COL11A1: variants seen among roughly 807,000 people sequenced by gnomAD.
COL11A1 encodes collagen type XI alpha 1 chain.
In COL11A1, 74 loss-of-function variants were observed where a neutral mutation model predicts 265.2. That is an observed-to-expected ratio of 0.28 (90% CI 0.23 to 0.34). The LOEUF (loss-of-function observed/expected upper bound fraction) is 0.34. COL11A1 is among the 10% of genes least tolerant of loss of function. The probability of loss-of-function intolerance (pLI) is 1.00; values close to 1 mark genes in which losing one functional copy is unlikely to be tolerated. For synonymous variants in COL11A1, 816 were observed against 727.6 expected, an observed-to-expected ratio of 1.12 and a Z score of -1.96; for missense variants, 2,165 against 2,263.6, an observed-to-expected ratio of 0.96 and a Z score of 0.88.
intron 3 of COL11A1, among the ~76,000 whole-genome samples, chr1:103,077,038 A>G (rs1672026994): frequency 6.6e-6 from 1 of 152,126 alleles, no homozygotes; most frequent in Non-Finnish European, 1.5e-5. Context: ...GGACCTACCT[A>G]GCACACAGTA....
rs377035028 is a variant in COL11A1 at position 103,003,271 on chromosome 1, A to T, written c.1945-3T>A. 4 of 1,612,692 alleles carry T rather than the reference A, an allele frequency of 2.5e-6. No homozygotes were observed. Among genetic ancestry groups the T allele is most frequent in the Non-Finnish European group, 3.4e-6 (4 of 1,179,454 alleles). On this transcript the variant is annotated splice_region_variant and splice_polypyrimidine_tract_variant and intron_variant, in intron 20 of 66. Transcript: ENST00000370096. Reference sequence around the variant, plus strand: ...GGACCCAGCAAACCTCGTGGGCCCTAGGAGAAAAAGAAAAAGCACGCCTTT... The same window carrying T: ...GGACCCAGCAAACCTCGTGGGCCCTTGGAGAAAAAGAAAAAGCACGCCTTT...
chr1:102,886,024 C>T (rs113906648), intron 63 of COL11A1, among the ~76,000 whole-genome samples: 3 of 152,100 alleles, frequency 2.0e-5, no homozygotes, highest in Admixed American at 6.6e-5. Flanking sequence ...TTATAACTGA[C>T]ATTATATGAT....
At chr1:102,901,327 A>AAC (rs919155173) in intron 54 of COL11A1, among the ~76,000 whole-genome samples, 8 of 152,010 alleles carry the variant, frequency 5.3e-5, no homozygotes, top group African/African-American at 1.9e-4. Flanking sequence ...TCTAAAAAAA[A>AAC]AAAAAAAAAA....
chr1:102,911,828 T>C (rs1183283343), intron 54 of COL11A1, among the ~76,000 whole-genome samples: 1 of 152,154 alleles, frequency 6.6e-6, no homozygotes, highest in Non-Finnish European at 1.5e-5. Flanking sequence ...TGACAGCTCA[T>C]CCCCATGTAT....
At chr1:103,039,283 T>G (rs960231573) in intron 4 of COL11A1, among the ~76,000 whole-genome samples, 1 of 152,186 alleles carries the variant, frequency 6.6e-6, no homozygotes, top group African/African-American at 2.4e-5. Flanking sequence ...TGTAGCAATC[T>G]TATACCTATT....
chr1:102,918,373 A>G (rs1441593677), intron 49 of COL11A1, among the ~76,000 whole-genome samples: 2 of 151,948 alleles, frequency 1.3e-5, no homozygotes, highest in East Asian at 3.9e-4. Context: ...ATTTATAGCA[A>G]TTTTACAGTA....
chr1:102,921,857 C>A lies in COL11A1; in HGVS notation c.3655-286G>T, dbSNP rs186665133. On this transcript the variant is annotated intron_variant, in intron 47 of 66. Transcript: ENST00000370096. ...CTGGTATAATGTGTTCACAATATAA[C>A]TAGATATATTTCATGCTAGAATATG... Among the ~76,000 whole-genome samples the A allele has an allele frequency of 4.7e-3, 719 of 152,152 alleles. 3 individuals are homozygous for A. The highest frequency in any genetic ancestry group is 8.0e-3 in the Admixed American group (122 of 15,288).
At chr1:102,955,938 G>C (rs1394269217) in intron 41 of COL11A1, among the ~76,000 whole-genome samples, 1 of 152,018 alleles carries the variant, frequency 6.6e-6, no homozygotes, top group Non-Finnish European at 1.5e-5. Context: ...GATTTGATTG[G>C]CATCTGTTAC....
chr1:102,990,401 C>T (rs1428586842), intron 28 of COL11A1, among the ~76,000 whole-genome samples: 1 of 151,730 alleles, frequency 6.6e-6, no homozygotes, highest in South Asian at 2.1e-4. Context: ...ATCTTACAAT[C>T]TTCTTTCAGG....
intron 47 of COL11A1, among the ~76,000 whole-genome samples, chr1:102,921,845 T>C (rs1656023368): frequency 6.6e-6 from 1 of 152,218 alleles, no homozygotes; most frequent in African/African-American, 2.4e-5. Flanking sequence ...GTATAATGTG[T>C]TCACAATATA....
intron 64 of COL11A1, 53 bp from the exon 65 acceptor site, chr1:102,881,818 AC>A: frequency 3.0e-6 from 4 of 1,329,694 alleles, no homozygotes; most frequent in South Asian, 1.2e-5. Context: ...TACAATATAA[AC>A]AGTATTTTTA....
intron 42 of COL11A1, among the ~76,000 whole-genome samples, chr1:102,946,505 G>C (rs2615991): frequency 0.91 from 137,682 of 151,998 alleles, 63,276 homozygotes; most frequent in East Asian, 1. Context: ...TATTACAAGA[G>C]GTGTAAAAAG....
intron 9 of COL11A1, among the ~76,000 whole-genome samples, chr1:103,019,868 C>T (rs1024360299): frequency 6.0e-5 from 9 of 150,348 alleles, no homozygotes; most frequent in Admixed American, 2.0e-4. Context: ...GATAGTTTAC[C>T]GAGAATGATG....
chr1:102,990,134 G>A lies in COL11A1; in HGVS notation c.2341-563C>T, dbSNP rs761368521. ...CAGGAGGTCAAGGCTGCAGTGAGCC[G>A]TGATTGTGCTACTGTACTCAAGCCT... is the stretch of plus-strand genomic sequence containing the variant. On this transcript the variant is annotated intron_variant, in intron 28 of 66. Coordinates refer to ENST00000370096, the MANE Select transcript of COL11A1 (RefSeq NM_001854.4). Among the ~76,000 whole-genome samples, 121 of 152,154 alleles carry A rather than the reference G, an allele frequency of 8.0e-4. 1 individual carries two copies. Among genetic ancestry groups the A allele is most frequent in the Non-Finnish European group, 7.2e-4 (49 of 67,980 alleles).
At chr1:102,883,928 CATTTT>C (rs1464572749) in intron 63 of COL11A1, among the ~76,000 whole-genome samples, 1 of 152,092 alleles carries the variant, frequency 6.6e-6, no homozygotes. Flanking sequence ...TTGCAGAACA[CATTTT>C]ATTATGTGAA....
At chr1:103,065,572 A>C (rs1174396269) in intron 4 of COL11A1, among the ~76,000 whole-genome samples, 5 of 67,368 alleles carry the variant, frequency 7.4e-5, no homozygotes, top group Admixed American at 3.5e-4. Context: ...AAACAAACAA[A>C]CAAAAAAAAT....
At chr1:103,059,624 AG>A (rs1670506846) in intron 4 of COL11A1, among the ~76,000 whole-genome samples, 1 of 152,202 alleles carries the variant, frequency 6.6e-6, no homozygotes, top group Admixed American at 6.5e-5. Flanking sequence ...ATAAAAAAGT[AG>A]ACAACAGGCA....
chr1:103,076,721 C>G (rs1672000690), intron 3 of COL11A1, among the ~76,000 whole-genome samples: 1 of 152,126 alleles, frequency 6.6e-6, no homozygotes, highest in Non-Finnish European at 1.5e-5. Flanking sequence ...ATAGTACACT[C>G]TACATCTCTT....
intron 62 of COL11A1, 84 bp from the exon 63 acceptor site, chr1:102,887,140 T>A (rs1651095966): frequency 6.4e-7 from 1 of 1,565,854 alleles, no homozygotes; most frequent in Non-Finnish European, 8.7e-7. Context: ...ATGTTTTTGT[T>A]ATAAGAAATT....
Sources: gnomAD v4.1 joint callset for allele counts (sites outside exome capture counted in the v4.1 genomes callset) on GRCh38, gnomAD v4.1.1 for gene constraint, MANE v1.5 for transcripts, NCBI Gene and HGNC (gene_info 2026-07-23, HGNC 2026-07-21) for gene names.